Variants in GSG1L observed in about 807,000 individuals in gnomAD.
The protein encoded by GSG1L is GSG1 like.
Under a neutral mutation model 42.1 loss-of-function variants are expected in GSG1L, and 24 were observed. The observed-to-expected ratio is 0.57, with a 90% confidence interval of 0.41 to 0.80. The LOEUF (loss-of-function observed/expected upper bound fraction) is 0.80, where lower values mean the gene tolerates loss of function less well. Ranked by LOEUF, GSG1L falls within the 30% of genes least tolerant of loss-of-function variation. The probability of loss-of-function intolerance (pLI) is 0.00; values close to 1 mark genes in which losing one functional copy is unlikely to be tolerated. For synonymous variants in GSG1L, 215 were observed against 203.5 expected (o/e 1.06, Z -0.48); for missense variants, 445 against 472.2 (o/e 0.94, Z 0.53).
At chr16:27,981,003 T>C (rs2141125599) in intron 1 of GSG1L, among the ~76,000 whole-genome samples, 1 of 152,048 alleles carries the variant, frequency 6.6e-6, no homozygotes, top group East Asian at 1.9e-4. Context: ...GGAGCCAGGA[T>C]TCCAATCAAG....
At chr16:27,947,599 A>AATGG (rs1401836017) in intron 2 of GSG1L, among the ~76,000 whole-genome samples, 1 of 85,994 alleles carries the variant, frequency 1.2e-5, no homozygotes, top group Admixed American at 1.0e-4. Context: ...GAAAGAAAGA[A>AATGG]AAAGAAAGAA....
chr16:27,894,380 A>G (rs891771628), intron 2 of GSG1L, among the ~76,000 whole-genome samples: 2 of 152,258 alleles, frequency 1.3e-5, no homozygotes, highest in African/African-American at 4.8e-5. Context: ...CAGCCACTGG[A>G]CAAATAAAAC....
At chr16:28,011,645 C>T (rs2141156526) in intron 1 of GSG1L, among the ~76,000 whole-genome samples, 1 of 152,272 alleles carries the variant, frequency 6.6e-6, no homozygotes, top group East Asian at 1.9e-4. Flanking sequence ...TCTTTGGCCC[C>T]AATGTCCATC....
chr16:27,804,497 T>C (rs1249715401), intron 6 of GSG1L, among the ~76,000 whole-genome samples: 2 of 151,584 alleles, frequency 1.3e-5, no homozygotes, highest in African/African-American at 4.8e-5. Flanking sequence ...ACTTACTGAA[T>C]GATTCTCTCT....
chr16:28,015,393 T>C (rs1232254207), intron 1 of GSG1L, among the ~76,000 whole-genome samples: 2 of 152,198 alleles, frequency 1.3e-5, no homozygotes, highest in African/African-American at 4.8e-5. Flanking sequence ...TAGTCCCAGC[T>C]ACTCAAAAGG....
intron 1 of GSG1L, among the ~76,000 whole-genome samples, chr16:28,046,377 G>A (rs552469615): frequency 3.7e-5 from 5 of 133,878 alleles, no homozygotes; most frequent in East Asian, 2.2e-4. Context: ...TTTCTGAGAC[G>A]GAGTCTAGTT....
intron 2 of GSG1L, among the ~76,000 whole-genome samples, chr16:27,945,668 T>C (rs1260003352): frequency 6.6e-6 from 1 of 152,210 alleles, no homozygotes; most frequent in East Asian, 1.9e-4. Flanking sequence ...GGGCAGCCAA[T>C]GGGAGAGGGG....
At chr16:27,980,650 A>C (rs2085314843) in intron 1 of GSG1L, among the ~76,000 whole-genome samples, 1 of 152,112 alleles carries the variant, frequency 6.6e-6, no homozygotes, top group Non-Finnish European at 1.5e-5. Context: ...TGGGAGGCTG[A>C]GGTGAGCAGA....
intron 1 of GSG1L, among the ~76,000 whole-genome samples, chr16:27,970,565 C>T (rs989991561): frequency 1.3e-5 from 2 of 151,022 alleles, no homozygotes; most frequent in Non-Finnish European, 3.0e-5. Flanking sequence ...GAGTGAGACT[C>T]CATCTAAAAA....
At chr16:27,816,285 A>G (rs1567467563) in intron 5 of GSG1L, among the ~76,000 whole-genome samples, 1 of 152,234 alleles carries the variant, frequency 6.6e-6, no homozygotes, top group African/African-American at 2.4e-5. Flanking sequence ...CAAGAAGCAG[A>G]GGAAGGGCTT....
intron 1 of GSG1L, among the ~76,000 whole-genome samples, chr16:28,062,579 G>T (rs988906917): frequency 6.6e-6 from 1 of 152,206 alleles, no homozygotes; most frequent in Admixed American, 6.5e-5. Context: ...GGCGATGGGG[G>T]TGGAAGGCTC....
At chr16:27,903,946 C>T (rs533569658) in intron 2 of GSG1L, among the ~76,000 whole-genome samples, 2 of 152,260 alleles carry the variant, frequency 1.3e-5, no homozygotes, top group African/African-American at 4.8e-5. Context: ...GCCCCCTTTC[C>T]CCTTGCTCAC....
chr16:27,929,456 G>C (rs928489158), intron 2 of GSG1L, among the ~76,000 whole-genome samples: 1 of 152,168 alleles, frequency 6.6e-6, no homozygotes, highest in African/African-American at 2.4e-5. Flanking sequence ...TGTGGGTGCC[G>C]CTAAGGAAGA....
chr16:27,876,340 C>T (rs1475267428), intron 3 of GSG1L, among the ~76,000 whole-genome samples: 1 of 151,980 alleles, frequency 6.6e-6, no homozygotes, highest in Non-Finnish European at 1.5e-5. Flanking sequence ...AAAGTCACCA[C>T]AATAAGAGTA....
At chr16:28,035,235 G>A (rs1242003349) in intron 1 of GSG1L, among the ~76,000 whole-genome samples, 1 of 151,746 alleles carries the variant, frequency 6.6e-6, no homozygotes, top group East Asian at 1.9e-4. Context: ...ATGTTGCTCA[G>A]GCTGGTCTCA....
chr16:28,025,124 TC>T (rs1438746260), intron 1 of GSG1L, among the ~76,000 whole-genome samples: 26 of 152,262 alleles, frequency 1.7e-4, no homozygotes, highest in African/African-American at 6.3e-4. Context: ...GAGGGATGCA[TC>T]ATGGCTCAGC....
intron 1 of GSG1L, among the ~76,000 whole-genome samples, chr16:28,002,304 T>A (rs945645764): frequency 1.2e-4 from 18 of 152,328 alleles, no homozygotes; most frequent in East Asian, 1.9e-4. Context: ...TCAAACCTGA[T>A]GACGACAAGC....
rs1187475850 is a variant in GSG1L, at chr16:27,788,700, T to C, written c.*2670A>G. On this transcript the variant is annotated 3_prime_UTR_variant, in exon 7 of 7. Transcript: ENST00000447459. ...GACTACAGCTCCCACAGCCCCGATT[T>C]CCCCTTGTTGTCCTGTTAGTAAACA... is the stretch of plus-strand genomic sequence containing the variant. The C allele has an allele frequency of 1.3e-5, 2 of 152,258 alleles. No homozygotes were observed. The highest frequency in any genetic ancestry group is 4.8e-5 in the African/African-American group (2 of 41,474). 9.4% of individuals were successfully genotyped at this position (152,258 alleles called of 1,614,324 possible).
At chr16:27,902,371 C>T (rs550639441) in intron 2 of GSG1L, among the ~76,000 whole-genome samples, 52 of 152,224 alleles carry the variant, frequency 3.4e-4, no homozygotes, top group African/African-American at 7.7e-4. Context: ...GAAAAGGCCA[C>T]GGGCTTTGGC....
Sources: allele counts gnomAD v4.1 joint callset (sites outside exome capture counted in the v4.1 genomes callset), GRCh38; gene constraint gnomAD v4.1.1; transcripts MANE v1.5; gene names NCBI Gene and HGNC (gene_info 2026-07-23, HGNC 2026-07-21).